Variants in PTPRA observed in about 807,000 individuals in gnomAD.
PTPRA encodes protein tyrosine phosphatase receptor type A, also known as receptor-type tyrosine-protein phosphatase alpha.
Under a neutral mutation model 104.8 loss-of-function variants are expected in PTPRA, and 25 were observed. The observed-to-expected ratio is 0.24, with a 90% CI of 0.17 to 0.33. The LOEUF (loss-of-function observed/expected upper bound fraction) is 0.33. Among genes scored for constraint, PTPRA ranks in the 10% least tolerant of loss-of-function variants. PTPRA has a pLI of 1.00. For missense variants in PTPRA, 765 were observed against 1,015.3 expected (o/e 0.75, Z 3.35); for synonymous variants, 323 against 368.9 (o/e 0.88, Z 1.43).
intron 1 of PTPRA, among the ~76,000 whole-genome samples, chr20:2,906,144 T>G (rs975069329): frequency 3.3e-5 from 5 of 152,224 alleles, no homozygotes; most frequent in Non-Finnish European, 7.3e-5. Context: ...AGAGAACATT[T>G]GAAACATTAA....
intron 11 of PTPRA, among the ~76,000 whole-genome samples, chr20:3,008,745 CAA>C (rs71195810): frequency 6.0e-5 from 6 of 99,358 alleles, no homozygotes; most frequent in South Asian, 3.2e-4. Context: ...AAAAAAAAAA[CAA>C]AAAAAAAAAA....
At chr20:2,877,900 C>T (rs1383038417) in intron 1 of PTPRA, among the ~76,000 whole-genome samples, 1 of 152,136 alleles carries the variant, frequency 6.6e-6, no homozygotes, top group Non-Finnish European at 1.5e-5. Flanking sequence ...CGCCTGTAAT[C>T]CCAGCACTTT....
chr20:2,889,129 A>G (rs563278118), intron 1 of PTPRA, among the ~76,000 whole-genome samples: 34 of 152,240 alleles, frequency 2.2e-4, no homozygotes, highest in Non-Finnish European at 4.7e-4. Flanking sequence ...CAGAAGGACT[A>G]TTTTAAAATT....
chr20:2,941,977 G>A (rs1309263822), intron 2 of PTPRA, among the ~76,000 whole-genome samples: 2 of 152,120 alleles, frequency 1.3e-5, no homozygotes, highest in Non-Finnish European at 2.9e-5. Context: ...TTTGTTTAAT[G>A]TCAGTTTTCT....
At chr20:2,937,012 A>AAT (rs2060728073) in intron 2 of PTPRA, among the ~76,000 whole-genome samples, 1 of 151,952 alleles carries the variant, frequency 6.6e-6, no homozygotes, top group African/African-American at 2.4e-5. Context: ...TTGCTCTAGG[A>AAT]ATATATATGT....
chr20:2,896,268 A>C (rs1204341020), intron 1 of PTPRA, among the ~76,000 whole-genome samples: 4 of 152,110 alleles, frequency 2.6e-5, no homozygotes, highest in Admixed American at 6.5e-5. Flanking sequence ...AATCCCAGCT[A>C]CTAGGGAGGC....
intron 14 of PTPRA, 136 bp downstream of exon 14, chr20:3,021,564 C>A: frequency 8.0e-7 from 1 of 1,250,676 alleles, no homozygotes; most frequent in Non-Finnish European, 1.1e-6. Context: ...GATATCCGGG[C>A]TCAGGGGAAC....
chr20:3,028,693 T>C (rs767341760), intron 20 of PTPRA, among the ~76,000 whole-genome samples: 2 of 152,214 alleles, frequency 1.3e-5, no homozygotes, highest in African/African-American at 2.4e-5. Flanking sequence ...GATGAGAATC[T>C]AGAGAATGGG....
intron 7 of PTPRA, among the ~76,000 whole-genome samples, chr20:2,987,273 C>CA (rs550369390): frequency 1.3e-5 from 2 of 151,966 alleles, no homozygotes; most frequent in Admixed American, 6.6e-5. Context: ...GCTTTGTCCC[C>CA]AGACCCTTCT....
intron 1 of PTPRA, among the ~76,000 whole-genome samples, chr20:2,888,209 C>A (rs2090482806): frequency 1.3e-5 from 2 of 152,248 alleles, no homozygotes; most frequent in African/African-American, 4.8e-5. Context: ...CAGTTGTGAA[C>A]CCCTAAATCA....
chr20:3,018,766 G>A (rs1428855411), intron 13 of PTPRA, among the ~76,000 whole-genome samples: 2 of 144,280 alleles, frequency 1.4e-5, no homozygotes, highest in East Asian at 2.1e-4. Flanking sequence ...GGTGGTGGCC[G>A]GGCAGAGGGG....
chr20:3,030,858 A>G (rs531138291), intron 20 of PTPRA, among the ~76,000 whole-genome samples: 2 of 151,620 alleles, frequency 1.3e-5, no homozygotes, highest in East Asian at 1.9e-4. Flanking sequence ...GCTAATTTCC[A>G]TAGTAGAGAC....
chr20:3,004,910 G>A, intron 9 of PTPRA, 146 bp from the exon 10 acceptor site: 2 of 707,726 alleles, frequency 2.8e-6, no homozygotes, highest in Non-Finnish European at 4.9e-6. Context: ...CATTCTCTGT[G>A]TTAGGCTGCA....
chr20:2,950,958 C>G lies in PTPRA; in HGVS notation c.-7+2934C>G, dbSNP rs537664529. Among the ~76,000 whole-genome samples the G allele has an allele frequency of 1.3e-3, 201 of 152,244 alleles. 1 individual carries two copies. The highest frequency in any genetic ancestry group is 1.3e-3 in the East Asian group (7 of 5,190). The stretch of plus-strand genomic sequence containing the variant: ...TGTCTTTTATAATCACTGCCTCTTG[C>G]CCCTGCCCACTCCCTCATCCTTAAG... On this transcript the variant is annotated intron_variant, in intron 3 of 23. Transcript: ENST00000399903. This position sits in a 1 kb window ranked among gnomAD's most constrained non-coding sequence, Gnocchi z 4.0.
chr20:3,020,039 G>A (rs1414329943), intron 13 of PTPRA, among the ~76,000 whole-genome samples: 2 of 152,132 alleles, frequency 1.3e-5, no homozygotes, highest in Middle Eastern at 3.4e-3. Context: ...GTCCAGCTTC[G>A]GCTCGGCATC....
intron 1 of PTPRA, among the ~76,000 whole-genome samples, chr20:2,877,456 T>C (rs1330152812): frequency 6.6e-6 from 1 of 152,122 alleles, no homozygotes; most frequent in Non-Finnish European, 1.5e-5. Context: ...ACGGGGTTTC[T>C]CCATGTTGGT....
At chr20:2,926,769 CTTTTTTTTTTTT>C (rs777386962) in intron 2 of PTPRA, among the ~76,000 whole-genome samples, 4 of 85,032 alleles carry the variant, frequency 4.7e-5, no homozygotes, top group South Asian at 5.5e-4. Flanking sequence ...TTTCCTTTTC[CTTTTTTTTTTTT>C]TTTTTTTTTT....
intron 9 of PTPRA, among the ~76,000 whole-genome samples, chr20:3,002,401 A>G (rs1425224865): frequency 7.1e-6 from 1 of 140,180 alleles, no homozygotes; most frequent in Non-Finnish European, 1.5e-5. Flanking sequence ...GTCTTGGCTC[A>G]CTGCAACCTC....
chr20:2,962,869 C>CT (rs2061805789), intron 3 of PTPRA, among the ~76,000 whole-genome samples: 1 of 152,114 alleles, frequency 6.6e-6, no homozygotes, highest in Non-Finnish European at 1.5e-5. Context: ...ATCTCCTTCT[C>CT]TTCCCCCCCT....
Sources: gnomAD v4.1 joint callset for allele counts (sites outside exome capture counted in the v4.1 genomes callset) on GRCh38, gnomAD v4.1.1 for gene constraint, Gnocchi (gnomAD v3.1) non-coding constraint, MANE v1.5 for transcripts, NCBI Gene and HGNC (gene_info 2026-07-23, HGNC 2026-07-21) for gene names.